RALGAPA2: variants seen among roughly 807,000 people sequenced by gnomAD.
The protein encoded by RALGAPA2 is ral GTPase-activating protein subunit alpha-2.
RALGAPA2 carries 139 observed loss-of-function variants against 230.4 expected under a neutral mutation model. The observed-to-expected ratio is 0.60, with a 90% CI of 0.53 to 0.69. The LOEUF (loss-of-function observed/expected upper bound fraction) is 0.69, where lower values mean the gene tolerates loss of function less well. RALGAPA2 is among the 30% of genes least tolerant of loss of function. RALGAPA2 has a pLI of 0.00. For synonymous variants in RALGAPA2, 847 were observed against 837.8 expected (o/e 1.01, Z -0.19); for missense variants, 2,163 against 2,276.0 (o/e 0.95, Z 1.01).
chr20:20,406,822 G>C (rs1404245917), intron 38 of RALGAPA2, among the ~76,000 whole-genome samples: 1 of 152,212 alleles, frequency 6.6e-6, no homozygotes, highest in Non-Finnish European at 1.5e-5. Flanking sequence ...TGAGGCTAGA[G>C]GATTGCTCGA....
At chr20:20,627,953 A>G (rs2066543120) in intron 10 of RALGAPA2, among the ~76,000 whole-genome samples, 1 of 152,212 alleles carries the variant, frequency 6.6e-6, no homozygotes, top group South Asian at 2.1e-4. Flanking sequence ...AATCTTGGTT[A>G]ACACCTGTAA....
At chr20:20,697,946 T>C (rs1190695252) in intron 1 of RALGAPA2, among the ~76,000 whole-genome samples, 3 of 152,212 alleles carry the variant, frequency 2.0e-5, no homozygotes, top group Non-Finnish European at 2.9e-5. Context: ...TTAGACTGTT[T>C]AGTTACGTAT....
chr20:20,641,912 A>G (rs1037316081), intron 5 of RALGAPA2, among the ~76,000 whole-genome samples: 1 of 151,726 alleles, frequency 6.6e-6, no homozygotes, highest in Non-Finnish European at 1.5e-5. Context: ...ATAGAAGCCA[A>G]AATACACTAG....
intron 7 of RALGAPA2, among the ~76,000 whole-genome samples, chr20:20,637,734 G>C (rs1230280113): frequency 6.6e-6 from 1 of 152,120 alleles, no homozygotes; most frequent in African/African-American, 2.4e-5. Context: ...GAACCAAATT[G>C]CTCAATGATA....
intron 16 of RALGAPA2, among the ~76,000 whole-genome samples, chr20:20,594,694 A>T (rs1369583439): frequency 6.6e-6 from 1 of 151,918 alleles, no homozygotes; most frequent in Non-Finnish European, 1.5e-5. Flanking sequence ...TTGACAGTGT[A>T]AGTTACACAA....
chr20:20,471,205 A>ATAG (rs1425666681), intron 37 of RALGAPA2: 2 of 152,128 alleles, frequency 1.3e-5, no homozygotes, highest in Non-Finnish European at 2.9e-5. Flanking sequence ...GTGATTCTGA[A>ATAG]TAGTATCCTT....
At chr20:20,512,405 TCTC>T in intron 32 of RALGAPA2, 105 bp downstream of exon 32, 2 of 1,153,626 alleles carry the variant, frequency 1.7e-6, no homozygotes, top group East Asian at 2.6e-5. Context: ...AAATCTCCCT[TCTC>T]CTCTCTTCCC....
Position 20,572,933 on chromosome 20 carries a change from G to C in RALGAPA2, c.2843C>G (p.Pro948Arg). The change falls in exon 21 of 40, where the codon CCC (proline) becomes CGC (arginine). Residue 948 changes from proline (P) to arginine (R), a missense_variant. Physicochemically the swap from Pro to Arg is moderately radical, Grantham distance 103. Transcript: ENST00000202677. ...GCAGAAAACTCTGGCATGGATCTTG[G>C]GTGACTGGATGTTATTCACATCTCC... ...ILGDVNNIQS[P>R]KIHARVFCYL... 6.3e-7 allele frequency: 1 copy of C among 1,575,592 alleles called. No individual in the cohort carries two copies.
intron 3 of RALGAPA2, among the ~76,000 whole-genome samples, chr20:20,673,234 G>GA (rs891130051): frequency 2.9e-4 from 43 of 149,822 alleles, no homozygotes; most frequent in Middle Eastern, 3.4e-3. Flanking sequence ...TTAAAAAAAT[G>GA]AAAAAAAAGA....
intron 37 of RALGAPA2, among the ~76,000 whole-genome samples, chr20:20,455,774 G>A (rs945045537): frequency 1.2e-4 from 19 of 152,232 alleles, no homozygotes; most frequent in East Asian, 3.9e-4. Context: ...TGGTCCAAAC[G>A]GACATTCTCC....
chr20:20,642,788 T>G (rs1376872662), intron 5 of RALGAPA2, among the ~76,000 whole-genome samples: 1 of 152,172 alleles, frequency 6.6e-6, no homozygotes, highest in African/African-American at 2.4e-5. Context: ...CATATCAAGT[T>G]TTCAGAGGCT....
chr20:20,583,102 A>T lies in RALGAPA2; in HGVS notation c.2655T>A (p.Ala885=). 6.2e-7 allele frequency: 1 copy of T among 1,613,758 alleles called. No individual in the cohort carries two copies. The highest frequency in any genetic ancestry group is 1.1e-5 in the South Asian group (1 of 91,084). The change falls in exon 20 of 40, where the codon GCT becomes GCA. Residue 885 remains alanine (A), a synonymous_variant. Coordinates refer to ENST00000202677, the MANE Select transcript of RALGAPA2 (RefSeq NM_020343.4). ...TCAGTTGTAACCAATGACGGGCATC[A>T]GCATCAGCCACAACATCTGTGGGAG... ...LNTPTDVVAD[A]DARHWLQLSP...
intron 1 of RALGAPA2, among the ~76,000 whole-genome samples, chr20:20,689,875 C>A (rs2068839897): frequency 6.6e-6 from 1 of 152,202 alleles, no homozygotes; most frequent in African/African-American, 2.4e-5. Flanking sequence ...GGCCTGTCAT[C>A]TGAGTTCCAT....
intron 36 of RALGAPA2, among the ~76,000 whole-genome samples, chr20:20,481,415 G>A (rs1384308998): frequency 6.6e-6 from 1 of 152,208 alleles, no homozygotes; most frequent in Admixed American, 6.5e-5. Flanking sequence ...TGCCATGGAT[G>A]GGCCTACCGA....
At chr20:20,530,255 G>A (rs758713597) in intron 27 of RALGAPA2, among the ~76,000 whole-genome samples, 20 of 152,144 alleles carry the variant, frequency 1.3e-4, no homozygotes, top group South Asian at 4.1e-4. Context: ...GCAGCTCTGC[G>A]GATTAAACTT....
At chr20:20,536,117 C>G (rs948639155) in intron 25 of RALGAPA2, among the ~76,000 whole-genome samples, 7 of 152,200 alleles carry the variant, frequency 4.6e-5, no homozygotes, top group Admixed American at 4.6e-4. Flanking sequence ...ATATGTTGTA[C>G]ACTGAATTAT....
chr20:20,545,350 C>T (rs148436365), intron 24 of RALGAPA2, among the ~76,000 whole-genome samples: 701 of 152,196 alleles, frequency 4.6e-3, no homozygotes, highest in Non-Finnish European at 7.8e-3. Context: ...ACTATACATA[C>T]GCCACCATGC....
rs201001801 is a variant in RALGAPA2 at position 20,601,711 on chromosome 20, G to A, written c.2174C>T (p.Ala725Val). 3 of 1,613,254 alleles carry A rather than the reference G, an allele frequency of 1.9e-6. No homozygotes were observed. The African/African-American group carries it at 4.0e-5, about 22-fold the overall frequency. The stretch of plus-strand genomic sequence containing the variant: ...TGCTTTTTGGCGAACAATATTTCTT[G>A]CCTTTTCCACTCCCGGTGCTCCAGA... ...TTSGAPGVEK[A>V]RNIVRQKATE... is the part of the protein sequence containing the mutation. The change falls in exon 16 of 40, where the codon GCA becomes GTA. Residue 725 changes from alanine to valine, a missense_variant. By Grantham distance (64) the Ala-to-Val change is moderately conservative. Coordinates refer to ENST00000202677, the MANE Select transcript of RALGAPA2 (RefSeq NM_020343.4).
intron 37 of RALGAPA2, among the ~76,000 whole-genome samples, chr20:20,419,864 G>T (rs577277285): frequency 1.3e-5 from 2 of 152,278 alleles, no homozygotes; most frequent in South Asian, 4.1e-4. Flanking sequence ...TGTATTGAGT[G>T]CCCCCCTGTG....
Sources: gnomAD v4.1 joint callset for allele counts (sites outside exome capture counted in the v4.1 genomes callset) on GRCh38, gnomAD v4.1.1 for gene constraint, MANE v1.5 for transcripts, NCBI Gene and HGNC (gene_info 2026-07-23, HGNC 2026-07-21) for gene names.